The following NFYB variants were observed in gnomAD, a reference collection of about 807,000 sequenced individuals.
NFYB encodes nuclear transcription factor Y subunit beta, also known as CAAT box DNA-binding protein subunit B.
In NFYB, 13 loss-of-function variants were observed where a neutral mutation model predicts 28.0. The observed-to-expected ratio is 0.46, with a 90% CI of 0.30 to 0.74. The LOEUF is 0.74. NFYB is among the 30% of genes least tolerant of loss of function. NFYB has a pLI of 0.07. For synonymous variants in NFYB, 74 were observed against 75.0 expected (o/e 0.99, Z 0.07); for missense variants, 142 against 247.6 (o/e 0.57, Z 2.86).
chr12:104,131,452 C>T (rs1296020044), intron 2 of NFYB: 5 of 204,544 alleles, frequency 2.4e-5, no homozygotes, highest in Non-Finnish European at 4.0e-5. Flanking sequence ...ACTTTAATCC[C>T]AGTGTTCTCT....
intron 2 of NFYB, chr12:104,131,825 A>G (rs1407368858): frequency 8.8e-6 from 4 of 455,584 alleles, no homozygotes; most frequent in Non-Finnish European, 1.8e-5. Context: ...CTTGCAGGAC[A>G]AATGTTACAT....
In NFYB at chr12:104,121,235, C is replaced by T; in HGVS notation, c.511+5G>A. On this transcript the variant is annotated splice_donor_5th_base_variant and intron_variant, in intron 6 of 7. Coordinates refer to ENST00000240055, the MANE Select transcript of NFYB (RefSeq NM_006166.4). ...CTACATGACTTGTATTATAACAATGCTTACTAAATGCCTCCTCTGTAAGCT... is the reference window on the plus strand; with the variant it reads ...CTACATGACTTGTATTATAACAATGTTTACTAAATGCCTCCTCTGTAAGCT... The T allele has an allele frequency of 6.2e-7, 1 of 1,605,776 alleles. No homozygotes were observed. The highest frequency in any genetic ancestry group is 8.5e-7 in the Non-Finnish European group (1 of 1,174,318).
intron 6 of NFYB, 38 bp from the exon 7 acceptor site, chr12:104,120,517 T>G: frequency 4.9e-5 from 64 of 1,309,158 alleles, no homozygotes; most frequent in Non-Finnish European, 6.6e-5. Context: ...GGAAATGAAC[T>G]ATATCTACTT....
chr12:104,124,841 CT>C (rs1400528017), intron 4 of NFYB, among the ~76,000 whole-genome samples: 1 of 151,896 alleles, frequency 6.6e-6, no homozygotes, highest in African/African-American at 2.4e-5. Flanking sequence ...AGCATTTGTG[CT>C]TTTTTTTCCT....
chr12:104,127,567 CAAAAAAAATAAAAAATA>C (rs1849192368), intron 3 of NFYB, among the ~76,000 whole-genome samples: 1 of 116,156 alleles, frequency 8.6e-6, no homozygotes, highest in Non-Finnish European at 1.7e-5. Context: ...GACTCCATCT[CAAAAAAAATAAAAAATA>C]AAAAAAAAAA....
intron 6 of NFYB, 86 bp downstream of exon 6, chr12:104,121,154 A>T: frequency 9.4e-7 from 1 of 1,062,854 alleles, no homozygotes; most frequent in Non-Finnish European, 1.4e-6. Context: ...CAAAATACTC[A>T]CTGCTGACAT....
rs1371145649 is a variant in NFYB, at chr12:104,118,471, AGAT to A, written c.*1263_*1265del. The A allele has an allele frequency of 6.6e-6, 1 of 152,626 alleles. No homozygotes were observed. The highest frequency in any genetic ancestry group is 1.5e-5 in the Non-Finnish European group (1 of 68,040). 9.5% of individuals were successfully genotyped at this position (152,626 alleles called of 1,614,324 possible). On this transcript the variant is annotated 3_prime_UTR_variant, in exon 8 of 8. Coordinates refer to ENST00000240055, the MANE Select transcript of NFYB (RefSeq NM_006166.4). ...CCTTATAAATTTGAGTGTCCTTCAA[AGAT>A]GATATTCACTCCAACTTCCTTTTAG...
At position 104,123,212 on chromosome 12, in the gene NFYB, G is replaced by C. The variant is rs1262667772; in HGVS notation, c.429+14C>G. The C allele has an allele frequency of 1.3e-6, 2 of 1,579,492 alleles. No homozygotes were observed. The highest frequency in any genetic ancestry group is 2.7e-5 in the African/African-American group (2 of 73,268). On this transcript the variant is annotated intron_variant, in intron 5 of 7. Coordinates refer to ENST00000240055, the MANE Select transcript of NFYB (RefSeq NM_006166.4). ...GAAGAAAAAAAAAAGCACAATGGGAGATATTTTATTTACCTCTCTGAATTT... is the reference window on the plus strand; with the variant it reads ...GAAGAAAAAAAAAAGCACAATGGGACATATTTTATTTACCTCTCTGAATTT...
chr12:104,121,274 A>G lies in NFYB; in HGVS notation c.477T>C (p.Asp159=). Residue 159 remains aspartate (D), a synonymous_variant, in exon 6 of 8, where the codon GAT becomes GAC. Transcript: ENST00000240055. ...KGIGGAVTAT[D]GLSEELTEEA... Reference sequence around the variant, plus strand: ...CCTCTGTAAGCTCTTCACTTAGTCCATCTGTAGCTGTGACTGCTCCACCAA... The same window carrying G: ...CCTCTGTAAGCTCTTCACTTAGTCCGTCTGTAGCTGTGACTGCTCCACCAA... 1 of 1,612,838 alleles carries G rather than the reference A, an allele frequency of 6.2e-7. No homozygotes were observed. Among genetic ancestry groups the G allele is most frequent in the Non-Finnish European group, 8.5e-7 (1 of 1,179,630 alleles).
Position 104,126,170 on chromosome 12 carries a change from G to GAT in NFYB, c.173_174dup (p.Leu59IlefsTer4). 6.2e-7 allele frequency: 1 copy of GAT among 1,605,682 alleles called. No homozygotes were observed. The highest frequency in any genetic ancestry group is 8.5e-7 in the Non-Finnish European group (1 of 1,176,504). The stretch of plus-strand genomic sequence containing the variant: ...ATCCTAGCCACGTTTGCTATTGGAA[G>GAT]ATATATATCTTGTTCTCTGAAACTT... On this transcript the variant is annotated frameshift_variant, in exon 4 of 8. Coordinates refer to ENST00000240055, the MANE Select transcript of NFYB (RefSeq NM_006166.4). LOFTEE classifies it high-confidence loss of function.
intron 1 of NFYB, among the ~76,000 whole-genome samples, chr12:104,136,285 T>C (rs2031097138): frequency 6.6e-6 from 1 of 152,102 alleles, no homozygotes. Flanking sequence ...AACAATTAAA[T>C]GGGGGAGGGG....
Position 104,135,531 on chromosome 12 carries a change from AC to A in NFYB, c.-79del. The A allele has an allele frequency of 1.5e-6, 2 of 1,354,182 alleles. No homozygotes were observed. Among genetic ancestry groups the A allele is most frequent in the South Asian group, 2.9e-5 (2 of 70,008 alleles). The allele number at this position is 1,354,182 out of a possible 1,614,324, so 83.9% of individuals were successfully genotyped here. ...AAGGTGTCTAATCTTTGTGATTTCAACCTAAAAGATAAACATCTATTAGGAC... is the reference window on the plus strand; with the variant it reads ...AAGGTGTCTAATCTTTGTGATTTCAACTAAAAGATAAACATCTATTAGGAC... On this transcript the variant is annotated splice_region_variant and 5_prime_UTR_variant, in exon 2 of 8. Transcript: ENST00000240055.
At chr12:104,123,512 C>A (rs1205565611) in intron 4 of NFYB, 89 bp from the exon 5 acceptor site, 3 of 960,886 alleles carry the variant, frequency 3.1e-6, no homozygotes, top group Non-Finnish European at 4.8e-6. Context: ...CAGAAGAACA[C>A]ATCTTCACTT....
chr12:104,125,934 A>C (rs1377047682), intron 4 of NFYB, among the ~76,000 whole-genome samples, 180 bp downstream of exon 4: 1 of 151,920 alleles, frequency 6.6e-6, no homozygotes, highest in Non-Finnish European at 1.5e-5. Flanking sequence ...ATTTAGGGAC[A>C]TGACAGAATT....
intron 1 of NFYB, chr12:104,137,584 C>A: frequency 6.6e-6 from 1 of 152,300 alleles, no homozygotes; most frequent in South Asian, 1.9e-4. Flanking sequence ...CCGGCCGCCC[C>A]GGCCCCGCGC....
chr12:104,127,856 T>A (rs1318784191), intron 3 of NFYB, among the ~76,000 whole-genome samples: 1 of 151,870 alleles, frequency 6.6e-6, no homozygotes, highest in Non-Finnish European at 1.5e-5. Context: ...GCTAATTTTT[T>A]AATTTTTTTG....
intron 5 of NFYB, among the ~76,000 whole-genome samples, chr12:104,121,733 G>C: frequency 6.6e-6 from 1 of 152,148 alleles, no homozygotes; most frequent in South Asian, 2.1e-4. Context: ...AGCAAGCTGA[G>C]AGTTAAAAAT....
chr12:104,137,105 G>A (rs201863881), intron 1 of NFYB, among the ~76,000 whole-genome samples: 7 of 149,034 alleles, frequency 4.7e-5, no homozygotes, highest in Admixed American at 3.3e-4. Context: ...TCCATACTAA[G>A]AGAGATGAAA....
intron 1 of NFYB, 57 bp from the exon 2 acceptor site, chr12:104,135,589 A>C: frequency 1.5e-6 from 1 of 675,110 alleles, no homozygotes; most frequent in Non-Finnish European, 2.4e-6. Flanking sequence ...AATACATCAA[A>C]TGTATCACTT....
Sources: gnomAD v4.1 joint callset for allele counts (sites outside exome capture counted in the v4.1 genomes callset) on GRCh38, gnomAD v4.1.1 for gene constraint, MANE v1.5 for transcripts, NCBI Gene and HGNC (gene_info 2026-07-23, HGNC 2026-07-21) for gene names.